The following PPL variants were observed in gnomAD, a reference collection of about 807,000 sequenced individuals.
PPL encodes periplakin, also known as 190 kDa paraneoplastic pemphigus antigen.
In PPL, 198 loss-of-function variants were observed where a neutral mutation model predicts 194.4. The observed-to-expected ratio is 1.02, with a 90% CI of 0.91 to 1.15. The LOEUF is 1.15. Among genes scored for constraint, PPL ranks in the 50% most tolerant of loss-of-function variants. The pLI is 0.00. For synonymous variants in PPL, 1,220 were observed against 972.4 expected (o/e 1.25, Z -4.74); for missense variants, 2,885 against 2,294.8 (o/e 1.26, Z -5.25).
At chr16:4,893,865 G>A (rs1029051930) in intron 12 of PPL, 3 of 568,564 alleles carry the variant, frequency 5.3e-6, no homozygotes, top group Non-Finnish European at 9.4e-6. Flanking sequence ...ACCTAAAATT[G>A]TCTGTCCAAT....
chr16:4,936,400 C>G (rs191884060), intron 1 of PPL, among the ~76,000 whole-genome samples: 1,552 of 152,240 alleles, frequency 0.01, 23 homozygotes, highest in African/African-American at 0.031. Context: ...TGGCAGGTGC[C>G]GGGAAGTGCA....
At position 4,932,382 on chromosome 16, in the gene PPL, T is replaced by C. The variant is rs141758377; in HGVS notation, c.62+4602A>G. On this transcript the variant is annotated intron_variant, in intron 1 of 21. Coordinates refer to ENST00000345988, the MANE Select transcript of PPL (RefSeq NM_002705.5). ...GTGTCTGCTTGAGTCAGCTCCCTGG[T>C]CAGCTCTGGGCTTGGCTCAGTCATG... Among the ~76,000 whole-genome samples, 534 of 151,536 alleles carry C rather than the reference T, an allele frequency of 3.5e-3. 7 individuals carry two copies. Among genetic ancestry groups the C allele is most frequent in the African/African-American group, 0.012 (510 of 41,304 alleles).
chr16:4,886,596 G>C (rs978801738), intron 21 of PPL, among the ~76,000 whole-genome samples: 4 of 152,204 alleles, frequency 2.6e-5, no homozygotes, highest in African/African-American at 9.7e-5. Context: ...ATGGACTTCA[G>C]AAAATAACAT....
intron 2 of PPL, among the ~76,000 whole-genome samples, chr16:4,909,757 A>T (rs2088782309): frequency 6.6e-6 from 1 of 152,170 alleles, no homozygotes; most frequent in Admixed American, 6.5e-5. Flanking sequence ...TCGCCCCTGC[A>T]TAGGGATGCC....
chr16:4,917,116 A>G (rs558797745), intron 1 of PPL, among the ~76,000 whole-genome samples: 1 of 152,152 alleles, frequency 6.6e-6, no homozygotes, highest in Admixed American at 6.5e-5. Context: ...TGGGTGATGG[A>G]GCAAGACTCC....
In PPL at chr16:4,895,313, G is replaced by C; in HGVS notation, c.1190C>G (p.Thr397Ser). The change falls in exon 11 of 22, where the codon ACT (threonine) becomes AGT (serine). Residue 397 changes from threonine to serine, a missense_variant. Coordinates refer to ENST00000345988, the MANE Select transcript of PPL (RefSeq NM_002705.5). Reference protein sequence around the residue: ...QVVPLKYRRETPLKPIPVEAL... With the variant: ...QVVPLKYRRESPLKPIPVEAL... ...CTCCACGGGGATGGGCTTGAGCGGA[G>C]TCTCCCGGCGGTACTTGAGGGGCAC... 1.2e-6 allele frequency: 2 copies of C among 1,613,208 alleles called. No individual in the cohort carries two copies. The highest frequency in any genetic ancestry group is 2.7e-5 in the African/African-American group (2 of 75,040).
At chr16:4,895,119 G>C in intron 11 of PPL, 142 bp downstream of exon 11, 1 of 1,119,718 alleles carries the variant, frequency 8.9e-7, no homozygotes, top group Non-Finnish European at 1.2e-6. Context: ...CAGTTGGCCT[G>C]CACCAGGGGA....
At chr16:4,920,355 G>GAAAC in intron 1 of PPL, among the ~76,000 whole-genome samples, 1 of 70,906 alleles carries the variant, frequency 1.4e-5, no homozygotes, top group Non-Finnish European at 4.7e-5. Context: ...GAGAAAGAAA[G>GAAAC]AAAGAAAGAA....
intron 1 of PPL, among the ~76,000 whole-genome samples, chr16:4,922,263 G>A (rs1262619368): frequency 1.3e-5 from 2 of 152,194 alleles, no homozygotes; most frequent in African/African-American, 4.8e-5. Context: ...CTGTGGTGGG[G>A]GTGACTGAGA....
At chr16:4,900,793 T>C in intron 6 of PPL, 37 bp downstream of exon 6, 1 of 1,613,722 alleles carries the variant, frequency 6.2e-7, no homozygotes, top group Non-Finnish European at 8.5e-7. Flanking sequence ...CATCCTCTCC[T>C]CTCCCCATGA....
chr16:4,904,159 G>A (rs770021536), intron 2 of PPL, 119 bp from the exon 3 acceptor site: 178 of 1,105,620 alleles, frequency 1.6e-4, no homozygotes, highest in Non-Finnish European at 2.1e-4. Flanking sequence ...TTTGAATAAC[G>A]TCTTCCAGGC....
intron 18 of PPL, among the ~76,000 whole-genome samples, chr16:4,889,297 C>G (rs2088278820): frequency 1.7e-5 from 2 of 120,684 alleles, no homozygotes. Context: ...CTGCATCGCC[C>G]AGGCTGGAGT....
intron 2 of PPL, among the ~76,000 whole-genome samples, chr16:4,906,166 G>A (rs775683824): frequency 6.6e-6 from 1 of 152,104 alleles, no homozygotes; most frequent in South Asian, 2.1e-4. Context: ...GGGGTAGGCT[G>A]GCCCGTTAAT....
At chr16:4,894,169 G>A (rs1345120555) in intron 12 of PPL, among the ~76,000 whole-genome samples, 3 of 152,186 alleles carry the variant, frequency 2.0e-5, no homozygotes, top group African/African-American at 7.2e-5. Context: ...CCAGCCAAGG[G>A]GCTGGGGTCT....
rs200758330 is a variant in PPL at position 4,891,962 on chromosome 16, A to G, written c.1830-13T>C. On this transcript the variant is annotated splice_polypyrimidine_tract_variant and intron_variant, in intron 15 of 21. Transcript: ENST00000345988. Reference sequence around the variant, plus strand: ...GGCCACATCAACCCTGAGAGCACCAATCAGGCGTCGGGGGATGCCCACCTG... The same window carrying G: ...GGCCACATCAACCCTGAGAGCACCAGTCAGGCGTCGGGGGATGCCCACCTG... The G allele has an allele frequency of 2.5e-6, 4 of 1,611,890 alleles. No individual in the cohort carries two copies. The East Asian group carries it at 8.9e-5, about 36-fold the overall frequency.
intron 17 of PPL, 45 bp downstream of exon 17, chr16:4,890,683 G>T: frequency 3.2e-6 from 5 of 1,549,390 alleles, no homozygotes; most frequent in African/African-American, 1.4e-5. Flanking sequence ...GAATTAGATC[G>T]CATTCTCAGA....
In PPL at chr16:4,885,145, C is replaced by A. The variant is rs1049206; in HGVS notation, c.3510G>T (p.Val1170=). ...ALEEENAKVV[V]QEKVREIVRP... is the part of the protein sequence containing the mutation. ...GCACGATCTCCCGCACCTTCTCCTG[C>A]ACCACCACTTTGGCGTTCTCCTCCT... The change falls in exon 22 of 22, where the codon GTG becomes GTT. Residue 1170 remains valine (V), a synonymous_variant. Coordinates refer to ENST00000345988, the MANE Select transcript of PPL (RefSeq NM_002705.5). This position sits in a 1 kb window ranked among gnomAD's most constrained non-coding sequence, Gnocchi z 6.3. The A allele has an allele frequency of 6.2e-7, 1 of 1,613,858 alleles. No individual in the cohort carries two copies. Among genetic ancestry groups the A allele is most frequent in the Non-Finnish European group, 8.5e-7 (1 of 1,179,982 alleles).
chr16:4,889,270 TTTTTGA>T (rs2088278037), intron 18 of PPL, among the ~76,000 whole-genome samples: 1 of 89,742 alleles, frequency 1.1e-5, no homozygotes, highest in African/African-American at 3.8e-5. Context: ...TTTTTTTTTT[TTTTTGA>T]GACAGTCTCA....
chr16:4,897,562 C>T (rs1039089246), intron 9 of PPL, 113 bp downstream of exon 9: 14 of 781,200 alleles, frequency 1.8e-5, no homozygotes, highest in Admixed American at 7.1e-5. Context: ...ATGGCTGCCC[C>T]GCAAGGCTCC....
Sources: gnomAD v4.1 joint callset for allele counts (sites outside exome capture counted in the v4.1 genomes callset) on GRCh38, gnomAD v4.1.1 for gene constraint, Gnocchi (gnomAD v3.1) non-coding constraint, MANE v1.5 for transcripts, NCBI Gene and HGNC (gene_info 2026-07-23, HGNC 2026-07-21) for gene names.